Variants in ATF7IP observed in about 807,000 individuals in gnomAD.
The protein encoded by ATF7IP is activating transcription factor 7 interacting protein, also known as activating transcription factor 7-interacting protein 1.
A neutral mutation model predicts 106.4 loss-of-function variants in ATF7IP; 23 were observed. The observed-to-expected ratio is 0.22, with a 90% CI of 0.16 to 0.31. The LOEUF (loss-of-function observed/expected upper bound fraction) is 0.31, where lower values mean the gene tolerates loss of function less well. Among genes scored for constraint, ATF7IP ranks in the 10% least tolerant of loss-of-function variants. ATF7IP has a pLI of 1.00. For missense variants in ATF7IP, 1,334 were observed against 1,524.3 expected, an observed-to-expected ratio of 0.88 and a Z score of 2.08; for synonymous variants, 542 against 539.0, an observed-to-expected ratio of 1.01 and a Z score of -0.08.
intron 13 of ATF7IP, among the ~76,000 whole-genome samples, chr12:14,485,319 C>T (rs985609473): frequency 3.3e-5 from 5 of 151,938 alleles, no homozygotes; most frequent in Non-Finnish European, 5.9e-5. Context: ...GATGTTGTGC[C>T]TCTTTCTTGG....
intron 1 of ATF7IP, among the ~76,000 whole-genome samples, chr12:14,377,906 G>A (rs1295162135): frequency 6.6e-6 from 1 of 151,982 alleles, no homozygotes; most frequent in East Asian, 1.9e-4. Flanking sequence ...GGGATTACAG[G>A]CATAAGCCAC....
rs1298015801 is a variant in ATF7IP at position 14,438,178 on chromosome 12, G to A, written c.1840G>A (p.Val614Ile). 2.5e-6 allele frequency: 4 copies of A among 1,613,252 alleles called. No individual in the cohort carries two copies. Among genetic ancestry groups the A allele is most frequent in the East Asian group, 2.2e-5 (1 of 44,890 alleles). ...AAAATTGTGTGCGCTGCAGTGTGCT[G>A]TATTTGATAAGACTTTGGCAGAATT... is the stretch of plus-strand genomic sequence containing the variant. Reference protein sequence around the residue: ...EEKLCALQCAVFDKTLAELKT... With the variant: ...EEKLCALQCAIFDKTLAELKT... Residue 614 changes from valine (V) to isoleucine (I), a missense_variant, in exon 5 of 15, where the codon GTA (valine) becomes ATA (isoleucine). By Grantham distance (29) the Val-to-Ile change is conservative. Around this residue, in one of 10 missense-constraint regions of ATF7IP, gnomAD observed 22 missense variants for 47.4 expected, o/e 0.46. Coordinates refer to ENST00000261168, the MANE Select transcript of ATF7IP (RefSeq NM_018179.5).
At chr12:14,393,067 A>G (rs955204990) in intron 1 of ATF7IP, among the ~76,000 whole-genome samples, 1 of 152,180 alleles carries the variant, frequency 6.6e-6, no homozygotes, top group African/African-American at 2.4e-5. Context: ...TTGATGAATA[A>G]TTCACTGTCA....
chr12:14,481,285 T>A, intron 13 of ATF7IP, 100 bp downstream of exon 13: 1 of 1,095,242 alleles, frequency 9.1e-7, no homozygotes, highest in South Asian at 1.4e-5. Flanking sequence ...CAAAAATTTC[T>A]TATAATGTCA....
chr12:14,477,273 A>C (rs1234241124), intron 11 of ATF7IP, among the ~76,000 whole-genome samples: 12 of 152,234 alleles, frequency 7.9e-5, no homozygotes, highest in Admixed American at 7.9e-4. Flanking sequence ...ATTATATGAC[A>C]GTAAAGTCGG....
rs1944791829 is a variant in ATF7IP, at chr12:14,490,830, T to G, written c.3281-5401T>G. On this transcript the variant is annotated intron_variant, in intron 13 of 14. Coordinates refer to ENST00000261168, the MANE Select transcript of ATF7IP (RefSeq NM_018179.5). ...CACATATATACCACTTCCATTTGAT[T>G]ATGGAATGCTGCTGTGCATGACCCA... 2.0e-5 allele frequency among the ~76,000 whole-genome samples: 3 copies of G among 152,290 alleles called. No homozygotes were observed. In the South Asian group the frequency reaches 6.2e-4, roughly 32 times the overall value.
At chr12:14,376,055 G>A (rs1938724698) in intron 1 of ATF7IP, among the ~76,000 whole-genome samples, 1 of 152,104 alleles carries the variant, frequency 6.6e-6, no homozygotes, top group African/African-American at 2.4e-5. Flanking sequence ...AAACAAACGG[G>A]TATTTAAAGG....
intron 5 of ATF7IP, among the ~76,000 whole-genome samples, chr12:14,441,988 T>A (rs1271911902): frequency 6.6e-6 from 1 of 152,210 alleles, no homozygotes; most frequent in African/African-American, 2.4e-5. Flanking sequence ...CACCAATCTC[T>A]ACCTTTTAAT....
At chr12:14,371,391 G>A (rs1184086667) in intron 1 of ATF7IP, among the ~76,000 whole-genome samples, 1 of 151,968 alleles carries the variant, frequency 6.6e-6, no homozygotes, top group African/African-American at 2.4e-5. Context: ...AAAAATCCCT[G>A]CCTTTGGGTC....
chr12:14,487,614 A>G (rs1208239646), intron 13 of ATF7IP, among the ~76,000 whole-genome samples: 1 of 152,080 alleles, frequency 6.6e-6, no homozygotes, highest in Non-Finnish European at 1.5e-5. Flanking sequence ...TTAACTGTAG[A>G]CACCTGGTGA....
intron 6 of ATF7IP, among the ~76,000 whole-genome samples, chr12:14,450,428 A>G (rs1362897843): frequency 6.6e-6 from 1 of 152,124 alleles, no homozygotes; most frequent in Non-Finnish European, 1.5e-5. Flanking sequence ...AATTAAGATG[A>G]TCATGTGGGT....
In ATF7IP at chr12:14,497,698, A is replaced by G. The variant is rs1157849113; in HGVS notation, c.3438A>G (p.Pro1146=). Reference sequence around the variant, plus strand: ...ACCCAGCACCCTTACCAGAAGCTCCACAACCACAGCGTCTGCCCCCAGAAG... The same window carrying G: ...ACCCAGCACCCTTACCAGAAGCTCCGCAACCACAGCGTCTGCCCCCAGAAG... ...PVHPAPLPEA[P]QPQRLPPEAA... The change falls in exon 15 of 15, where the codon CCA becomes CCG. Residue 1146 remains proline, a synonymous_variant. Coordinates refer to ENST00000261168, the MANE Select transcript of ATF7IP (RefSeq NM_018179.5). 1.2e-6 allele frequency: 2 copies of G among 1,614,198 alleles called. No homozygotes were observed. Among genetic ancestry groups the G allele is most frequent in the Admixed American group, 1.7e-5 (1 of 60,020 alleles).
intron 1 of ATF7IP, among the ~76,000 whole-genome samples, chr12:14,402,240 A>AC (rs1940278632): frequency 6.8e-6 from 1 of 147,122 alleles, no homozygotes; most frequent in Non-Finnish European, 1.5e-5. Context: ...TGATTCTCCC[A>AC]CCACAGCCTC....
At chr12:14,402,075 T>C (rs2136466394) in intron 1 of ATF7IP, among the ~76,000 whole-genome samples, 1 of 151,644 alleles carries the variant, frequency 6.6e-6, no homozygotes, top group South Asian at 2.1e-4. Flanking sequence ...CTTTTTTTTT[T>C]CTTTCTTTCT....
intron 1 of ATF7IP, among the ~76,000 whole-genome samples, chr12:14,396,030 A>T (rs1939821277): frequency 6.6e-6 from 1 of 152,222 alleles, no homozygotes; most frequent in Non-Finnish European, 1.5e-5. Flanking sequence ...AGGAAGGTGT[A>T]TGTTTATAAA....
intron 13 of ATF7IP, among the ~76,000 whole-genome samples, chr12:14,489,154 A>G (rs1312707746): frequency 6.6e-6 from 1 of 152,112 alleles, no homozygotes; most frequent in African/African-American, 2.4e-5. Flanking sequence ...TTGGGCTGTT[A>G]TAGTTTCCTG....
intron 13 of ATF7IP, among the ~76,000 whole-genome samples, chr12:14,491,968 C>G (rs1944840578): frequency 6.6e-6 from 1 of 152,098 alleles, no homozygotes; most frequent in African/African-American, 2.4e-5. Context: ...TGGCACTAAT[C>G]TCAGTACCTC....
chr12:14,438,251 T>G lies in ATF7IP; in HGVS notation c.1913T>G (p.Val638Gly). The change falls in exon 5 of 15, where the codon GTT becomes GGT. Residue 638 changes from valine to glycine, a missense_variant. Physicochemically the swap from Val to Gly is moderately radical, Grantham distance 109. Transcript: ENST00000261168. ...GAATGTAACAAGAGGCATAAAACAG[T>G]TCTCACTGAACTACAGGTTTGTACA... Reference protein sequence around the residue: ...KIECNKRHKTVLTELQAKIAR... With the variant: ...KIECNKRHKTGLTELQAKIAR... The G allele has an allele frequency of 6.2e-7, 1 of 1,612,648 alleles. No homozygotes were observed. Among genetic ancestry groups the G allele is most frequent in the Non-Finnish European group, 8.5e-7 (1 of 1,179,788 alleles).
intron 1 of ATF7IP, among the ~76,000 whole-genome samples, chr12:14,392,975 A>C (rs1230332394): frequency 6.6e-6 from 1 of 152,186 alleles, no homozygotes; most frequent in Admixed American, 6.5e-5. Context: ...TCTTTACTGT[A>C]TTCATTTTAG....
Sources: gnomAD v4.1 joint callset for allele counts (sites outside exome capture counted in the v4.1 genomes callset) on GRCh38, gnomAD v4.1.1 for gene constraint, gnomAD v4.1.1 regional missense constraint, MANE v1.5 for transcripts, NCBI Gene and HGNC (gene_info 2026-07-23, HGNC 2026-07-21) for gene names.